The following ARHGAP26 variants were observed in gnomAD, a reference collection of about 807,000 sequenced individuals.
The protein encoded by ARHGAP26 is rho GTPase-activating protein 26.
In ARHGAP26, 38 loss-of-function variants were observed where a neutral mutation model predicts 104.8. That is an observed-to-expected ratio of 0.36 (90% confidence interval 0.28 to 0.48). ARHGAP26 has a LOEUF of 0.48. Among genes scored for constraint, ARHGAP26 ranks in the 20% least tolerant of loss-of-function variants. ARHGAP26 has a pLI of 0.99. For missense variants in ARHGAP26, 704 were observed against 947.9 expected, an observed-to-expected ratio of 0.74 and a Z score of 3.38; for synonymous variants, 341 against 340.0, an observed-to-expected ratio of 1.00 and a Z score of -0.03.
chr5:142,889,929 G>A (rs1758259044), intron 5 of ARHGAP26, among the ~76,000 whole-genome samples: 1 of 149,106 alleles, frequency 6.7e-6, no homozygotes, highest in South Asian at 2.2e-4. Context: ...GAGGTCTGGA[G>A]TTCGAGACCA....
intron 1 of ARHGAP26, among the ~76,000 whole-genome samples, chr5:142,825,358 GCCCCCTTCCAT>G (rs1229761012): frequency 6.6e-6 from 1 of 152,162 alleles, no homozygotes; most frequent in Non-Finnish European, 1.5e-5. Flanking sequence ...AGGGACAGAG[GCCCCCTTCCAT>G]CCACTGTTGG....
At chr5:142,893,085 A>G (rs973635385) in intron 5 of ARHGAP26, among the ~76,000 whole-genome samples, 1 of 148,056 alleles carries the variant, frequency 6.8e-6, no homozygotes, top group Non-Finnish European at 1.5e-5. Context: ...CCTGGGTTCA[A>G]GTGATTCTCC....
chr5:143,192,968 C>T (rs891862143), intron 20 of ARHGAP26, among the ~76,000 whole-genome samples: 5 of 152,294 alleles, frequency 3.3e-5, no homozygotes, highest in South Asian at 2.1e-4. Context: ...TCCTCATCTA[C>T]GGTTTTGCTT....
intron 10 of ARHGAP26, among the ~76,000 whole-genome samples, chr5:142,929,051 C>T (rs550608183): frequency 1.1e-4 from 17 of 152,344 alleles, no homozygotes; most frequent in Admixed American, 1.0e-3. Flanking sequence ...GATTTTCCTG[C>T]GTCAGCCTCC....
At chr5:142,913,419 C>T (rs1056426342) in intron 10 of ARHGAP26, 126 bp downstream of exon 10, 1 of 758,210 alleles carries the variant, frequency 1.3e-6, no homozygotes, top group Non-Finnish European at 2.2e-6. Flanking sequence ...TTTCCTTCTC[C>T]CCCTGCCTCC....
chr5:143,179,867 A>T (rs547675768), intron 20 of ARHGAP26, among the ~76,000 whole-genome samples: 7 of 152,226 alleles, frequency 4.6e-5, no homozygotes, highest in Admixed American at 4.6e-4. Flanking sequence ...ACCCACTGAC[A>T]CTGCCTCTCA....
chr5:142,851,782 C>T (rs1432686673), intron 1 of ARHGAP26, among the ~76,000 whole-genome samples: 2 of 152,200 alleles, frequency 1.3e-5, no homozygotes, highest in African/African-American at 2.4e-5. Flanking sequence ...GTCTTGTGCA[C>T]CTGGTGCTCT....
At chr5:143,157,548 G>C (rs1033716735) in intron 20 of ARHGAP26, among the ~76,000 whole-genome samples, 1 of 152,104 alleles carries the variant, frequency 6.6e-6, no homozygotes, top group South Asian at 2.1e-4. Context: ...CATCTCTTAC[G>C]CTACATTTCC....
chr5:143,004,651 T>C (rs936918156), intron 11 of ARHGAP26, among the ~76,000 whole-genome samples: 4 of 152,214 alleles, frequency 2.6e-5, no homozygotes, highest in African/African-American at 9.7e-5. Context: ...CCTTCATCTC[T>C]GTTCAGCACA....
At chr5:142,939,940 C>G (rs1293933799) in intron 11 of ARHGAP26, among the ~76,000 whole-genome samples, 1 of 152,244 alleles carries the variant, frequency 6.6e-6, no homozygotes, top group Non-Finnish European at 1.5e-5. Flanking sequence ...ATTTCTAGCT[C>G]TGTTTTTAAA....
At chr5:142,908,256 AT>A (rs1361807033) in intron 9 of ARHGAP26, among the ~76,000 whole-genome samples, 2 of 152,142 alleles carry the variant, frequency 1.3e-5, no homozygotes, top group African/African-American at 4.8e-5. Flanking sequence ...TCATTTTAGT[AT>A]TTCTCATTGT....
intron 10 of ARHGAP26, among the ~76,000 whole-genome samples, chr5:142,928,232 T>TG (rs35178883): frequency 0.14 from 18,239 of 127,078 alleles, 2,845 homozygotes; most frequent in African/African-American, 0.41. Flanking sequence ...TGTGTGTGTG[T>TG]TTTTTTTTTT....
intron 20 of ARHGAP26, among the ~76,000 whole-genome samples, chr5:143,198,986 C>T (rs951055740): frequency 3.9e-5 from 6 of 152,148 alleles, no homozygotes; most frequent in Non-Finnish European, 7.4e-5. Context: ...GCATTGTAAA[C>T]TAGTCAAGCT....
At chr5:143,053,806 C>T (rs1188400400) in intron 14 of ARHGAP26, among the ~76,000 whole-genome samples, 2 of 152,184 alleles carry the variant, frequency 1.3e-5, no homozygotes, top group African/African-American at 2.4e-5. Flanking sequence ...TATTTCCTTT[C>T]AGCCTTGTTC....
At position 142,875,156 on chromosome 5, in the gene ARHGAP26, T is replaced by G. The variant is rs772467491; in HGVS notation, c.297T>G (p.Asp99Glu). ...CCACTGTCCTCAGGAATCTTGAAGA[T>G]GAACGGATACGGATGGTGAGTAGGG... The part of the protein sequence containing the change: ...EFATVLRNLE[D>E]ERIRMIENAS... Residue 99 changes from aspartate (D) to glutamate (E), a missense_variant, in exon 3 of 23, where the codon GAT becomes GAG. Around this residue, in one of 6 missense-constraint regions of ARHGAP26, gnomAD observed 106 missense variants for 120.5 expected, o/e 0.88. Coordinates refer to ENST00000645722, the MANE Select transcript of ARHGAP26 (RefSeq NM_001135608.3). 6.2e-7 allele frequency: 1 copy of G among 1,614,118 alleles called. No homozygotes were observed.
At chr5:143,018,205 T>C (rs1779848955) in intron 12 of ARHGAP26, among the ~76,000 whole-genome samples, 1 of 152,252 alleles carries the variant, frequency 6.6e-6, no homozygotes, top group South Asian at 2.1e-4. Flanking sequence ...ATCTTTTCTT[T>C]TTGATATGTA....
chr5:143,156,677 G>A (rs1800498124), intron 20 of ARHGAP26, among the ~76,000 whole-genome samples: 1 of 152,212 alleles, frequency 6.6e-6, no homozygotes, highest in South Asian at 2.1e-4. Context: ...ACTTACCTCA[G>A]TGTAAAGCTC....
intron 1 of ARHGAP26, among the ~76,000 whole-genome samples, chr5:142,812,758 A>G (rs1764351885): frequency 6.6e-6 from 1 of 151,512 alleles, no homozygotes; most frequent in Admixed American, 6.6e-5. Context: ...TGTTGGTCTT[A>G]AACTCCTGGG....
At chr5:142,823,164 AG>A (rs1005551366) in intron 1 of ARHGAP26, among the ~76,000 whole-genome samples, 2 of 152,156 alleles carry the variant, frequency 1.3e-5, no homozygotes, top group African/African-American at 4.8e-5. Context: ...GGTGGAGCTG[AG>A]GGTGGAGCTG....
Sources: gnomAD v4.1 joint callset for allele counts (sites outside exome capture counted in the v4.1 genomes callset) on GRCh38, gnomAD v4.1.1 for gene constraint, gnomAD v4.1.1 regional missense constraint, MANE v1.5 for transcripts, NCBI Gene and HGNC (gene_info 2026-07-23, HGNC 2026-07-21) for gene names.